Variants in SEC24D observed in about 807,000 individuals in gnomAD.
The protein encoded by SEC24D is protein transport protein Sec24D.
SEC24D carries 69 observed loss-of-function variants against 116.9 expected under a neutral mutation model. The observed-to-expected ratio is 0.59, with a 90% CI of 0.49 to 0.72. The LOEUF (loss-of-function observed/expected upper bound fraction) is 0.72, where lower values mean the gene tolerates loss of function less well. Ranked by LOEUF, SEC24D falls within the 30% of genes least tolerant of loss-of-function variation. The probability of loss-of-function intolerance (pLI) is 0.00; values close to 1 mark genes in which losing one functional copy is unlikely to be tolerated. For synonymous variants in SEC24D, 405 were observed against 442.8 expected (o/e 0.91, Z 1.07); for missense variants, 1,131 against 1,264.1 (o/e 0.89, Z 1.60).
intron 8 of SEC24D, among the ~76,000 whole-genome samples, chr4:118,774,208 A>T (rs1487321618): frequency 6.6e-6 from 1 of 152,034 alleles, no homozygotes; most frequent in Non-Finnish European, 1.5e-5. Context: ...TCTTTGAACA[A>T]TACTATCAGA....
At chr4:118,751,259 A>G (rs1246911451) in intron 13 of SEC24D, among the ~76,000 whole-genome samples, 1 of 144,102 alleles carries the variant, frequency 6.9e-6, no homozygotes. Flanking sequence ...GCTCACCACA[A>G]CCTCTGCCTC....
intron 7 of SEC24D, among the ~76,000 whole-genome samples, chr4:118,804,737 C>T (rs543983655): frequency 2.0e-5 from 3 of 151,736 alleles, no homozygotes; most frequent in East Asian, 1.9e-4. Context: ...GCCAAAAGGC[C>T]GAGAAGGAAA....
intron 8 of SEC24D, chr4:118,769,706 A>C (rs963029015): frequency 6.6e-6 from 1 of 152,172 alleles, no homozygotes; most frequent in African/African-American, 2.4e-5. Context: ...GAAGGATTTA[A>C]ATTTTTTCTT....
At chr4:118,745,126 C>G in intron 13 of SEC24D, 66 bp from the exon 14 acceptor site, 1 of 872,340 alleles carries the variant, frequency 1.1e-6, no homozygotes, top group Non-Finnish European at 1.8e-6. Flanking sequence ...TTAAGAGAAT[C>G]AGAAAATAAA....
At chr4:118,733,108 A>G (rs1472220448) in intron 19 of SEC24D, 196 bp from the exon 20 acceptor site, 1 of 526,866 alleles carries the variant, frequency 1.9e-6, no homozygotes, top group African/African-American at 1.9e-5. Flanking sequence ...AGTTGTTTTT[A>G]TTTTATCTAG....
chr4:118,731,605 A>G, intron 20 of SEC24D, 98 bp from the exon 21 acceptor site: 5 of 905,540 alleles, frequency 5.5e-6, no homozygotes, highest in South Asian at 1.5e-5. Context: ...CCCTCCCTCA[A>G]TGCATAGTGA....
chr4:118,806,580 G>A (rs927673406), intron 6 of SEC24D, among the ~76,000 whole-genome samples: 1 of 151,628 alleles, frequency 6.6e-6, no homozygotes, highest in Non-Finnish European at 1.5e-5. Context: ...CAATCCTCCT[G>A]CCTTGGCCTC....
intron 3 of SEC24D, among the ~76,000 whole-genome samples, chr4:118,818,711 G>T (rs192738880): frequency 6.6e-6 from 1 of 151,362 alleles, no homozygotes; most frequent in East Asian, 1.9e-4. Context: ...TATAATTTAG[G>T]ACTCTTCTGT....
intron 15 of SEC24D, among the ~76,000 whole-genome samples, chr4:118,743,003 G>A (rs979759221): frequency 2.0e-4 from 31 of 152,112 alleles, no homozygotes; most frequent in African/African-American, 4.1e-4. Flanking sequence ...ACTCTGTGCC[G>A]GGGCGCATAA....
In SEC24D at chr4:118,744,943, C is replaced by A. The variant is rs1365665482; in HGVS notation, c.1824+1G>T. ...TGGATACTCAAAGAGTTACAAAGTA[C>A]CTTCTCTTTGTCTGTATTAACCAGT... On this transcript the variant is annotated splice_donor_variant, in intron 14 of 22. Transcript: ENST00000280551. LOFTEE classifies it high-confidence loss of function. The A allele has an allele frequency of 6.7e-7, 1 of 1,501,784 alleles. No individual in the cohort carries two copies. The highest frequency in any genetic ancestry group is 9.3e-7 in the Non-Finnish European group (1 of 1,079,544). 93.0% of individuals were successfully genotyped at this position (1,501,784 alleles called of 1,614,324 possible).
At chr4:118,825,586 A>C (rs1730563931) in intron 2 of SEC24D, 1 of 456,170 alleles carries the variant, frequency 2.2e-6, no homozygotes, top group Non-Finnish European at 4.4e-6. Flanking sequence ...AACCTGGGCA[A>C]GAAGCTTATC....
chr4:118,788,095 A>G (rs937976809), intron 8 of SEC24D, among the ~76,000 whole-genome samples: 1 of 152,210 alleles, frequency 6.6e-6, no homozygotes, highest in African/African-American at 2.4e-5. Context: ...GTGGGATTAC[A>G]AGTGTCAGCC....
At chr4:118,733,008 A>G in intron 19 of SEC24D, 96 bp from the exon 20 acceptor site, 1 of 1,101,630 alleles carries the variant, frequency 9.1e-7, no homozygotes, top group Non-Finnish European at 1.3e-6. Flanking sequence ...TTGCTTCTGA[A>G]CTTGTAAGGA....
chr4:118,797,555 T>A (rs1209749651), intron 8 of SEC24D, 128 bp downstream of exon 8: 4 of 722,448 alleles, frequency 5.5e-6, no homozygotes, highest in Non-Finnish European at 8.2e-6. Context: ...AATTACTAGA[T>A]GTTTTGCATT....
intron 19 of SEC24D, 108 bp from the exon 20 acceptor site, chr4:118,733,020 G>GT (rs1725774374): frequency 1.0e-6 from 1 of 988,566 alleles, no homozygotes; most frequent in South Asian, 1.5e-5. Flanking sequence ...TTGTAAGGAT[G>GT]TAAGGATTAA....
In SEC24D at chr4:118,745,062, T is replaced by TAAAA. The variant is rs35951660; in HGVS notation, c.1708-6_1708-3dup. ...CAGCTTCCCAGGACAGTCTGCTGCC[T>TAAAA]AAAAAAAAAAAAAAACCCAAAAACC... On this transcript the variant is annotated splice_region_variant and splice_polypyrimidine_tract_variant and intron_variant, in intron 13 of 22. Coordinates refer to ENST00000280551, the MANE Select transcript of SEC24D (RefSeq NM_014822.4). 66 of 1,234,172 alleles carry TAAAA rather than the reference T, an allele frequency of 5.3e-5. No homozygotes were observed. The highest frequency in any genetic ancestry group is 1.1e-4 in the South Asian group (8 of 71,662). 76.5% of individuals were successfully genotyped at this position (1,234,172 alleles called of 1,614,324 possible). A position where few individuals can be genotyped will look rare whatever the true frequency, so the allele number is the denominator to read the frequency against.
chr4:118,826,106 C>T (rs559497093), intron 2 of SEC24D, among the ~76,000 whole-genome samples: 1 of 152,062 alleles, frequency 6.6e-6, no homozygotes, highest in African/African-American at 2.4e-5. Flanking sequence ...AAACTGAGGA[C>T]ATTTTTATAT....
chr4:118,806,342 T>C (rs1036511363), intron 6 of SEC24D, among the ~76,000 whole-genome samples: 30 of 152,198 alleles, frequency 2.0e-4, no homozygotes, highest in African/African-American at 6.7e-4. Flanking sequence ...ATTTATTTTT[T>C]TTCATTTTTT....
At chr4:118,823,785 A>C (rs927852724) in intron 3 of SEC24D, among the ~76,000 whole-genome samples, 2 of 152,190 alleles carry the variant, frequency 1.3e-5, no homozygotes, top group Non-Finnish European at 2.9e-5. Flanking sequence ...TATTATAAAC[A>C]CAAACACAAG....
Sources: allele counts gnomAD v4.1 joint callset (sites outside exome capture counted in the v4.1 genomes callset), GRCh38; gene constraint gnomAD v4.1.1; transcripts MANE v1.5; gene names NCBI Gene and HGNC (gene_info 2026-07-23, HGNC 2026-07-21).